The following LRMDA variants were observed in gnomAD, a reference collection of about 807,000 sequenced individuals.
The protein encoded by LRMDA is leucine-rich melanocyte differentiation-associated protein.
LRMDA carries 18 observed loss-of-function variants against 29.8 expected under a neutral mutation model. The ratio of observed to expected loss-of-function variants is 0.60; its 90% CI spans 0.42 to 0.90. The LOEUF (loss-of-function observed/expected upper bound fraction) is 0.90, where lower values mean the gene tolerates loss of function less well. LRMDA is among the 40% of genes least tolerant of loss of function. LRMDA has a pLI of 0.00. For synonymous variants in LRMDA, 125 were observed against 109.4 expected, an observed-to-expected ratio of 1.14 and a Z score of -0.89; for missense variants, 273 against 273.9, an observed-to-expected ratio of 1.00 and a Z score of 0.02.
At chr10:76,091,201 A>G (rs1849225206) in intron 5 of LRMDA, among the ~76,000 whole-genome samples, 1 of 152,016 alleles carries the variant, frequency 6.6e-6, no homozygotes, top group East Asian at 1.9e-4. Flanking sequence ...AAATGTCAGC[A>G]TCCCTCACTT....
intron 6 of LRMDA, among the ~76,000 whole-genome samples, chr10:76,474,874 AACAT>A: frequency 6.6e-6 from 1 of 151,746 alleles, no homozygotes; most frequent in Non-Finnish European, 1.5e-5. Flanking sequence ...GAGAGGCGAA[AACAT>A]ACATACACAA....
At position 76,192,588 on chromosome 10, in the gene LRMDA, G is replaced by A. The variant is rs149262017; in HGVS notation, c.517-131813G>A. ...AGAAAATGAAATGGTTAAAATAGGA[G>A]GGGTATTGAAAATTGCTGTTTCTTG... On this transcript the variant is annotated intron_variant, in intron 5 of 6. Coordinates refer to ENST00000611255, the MANE Select transcript of LRMDA (RefSeq NM_001305581.2). Among the ~76,000 whole-genome samples, 661 of 152,274 alleles carry A rather than the reference G, an allele frequency of 4.3e-3. 7 individuals are homozygous for A. The highest frequency in any genetic ancestry group is 0.015 in the African/African-American group (623 of 41,544).
At chr10:76,399,034 A>AAAT (rs1442415676) in intron 6 of LRMDA, among the ~76,000 whole-genome samples, 1 of 152,200 alleles carries the variant, frequency 6.6e-6, no homozygotes, top group African/African-American at 2.4e-5. Flanking sequence ...TCCAGGTCTA[A>AAAT]AATTTTGTAT....
At chr10:75,695,396 T>G (rs943482687) in intron 2 of LRMDA, among the ~76,000 whole-genome samples, 3 of 148,412 alleles carry the variant, frequency 2.0e-5, no homozygotes, top group Non-Finnish European at 3.0e-5. Context: ...AAAAAACTAG[T>G]TTTTTTTTTG....
intron 5 of LRMDA, among the ~76,000 whole-genome samples, chr10:76,092,495 A>G (rs1042549820): frequency 2.8e-4 from 43 of 152,170 alleles, no homozygotes; most frequent in East Asian, 3.8e-4. Flanking sequence ...GTCATTCCCA[A>G]ATTGTGTGCT....
intron 2 of LRMDA, among the ~76,000 whole-genome samples, chr10:75,846,703 G>T (rs1423950847): frequency 6.6e-6 from 1 of 151,876 alleles, no homozygotes; most frequent in Non-Finnish European, 1.5e-5. Context: ...AAATAATACC[G>T]AAATGATACC....
intron 6 of LRMDA, among the ~76,000 whole-genome samples, chr10:76,360,116 G>A (rs569201869): frequency 6.6e-5 from 10 of 152,168 alleles, no homozygotes; most frequent in South Asian, 6.2e-4. Context: ...AGCCTCCTGA[G>A]TAGCTGGGAT....
intron 6 of LRMDA, among the ~76,000 whole-genome samples, chr10:76,490,899 G>A (rs893589373): frequency 2.0e-5 from 3 of 151,618 alleles, no homozygotes; most frequent in Non-Finnish European, 2.9e-5. Flanking sequence ...TTCTCTTGTG[G>A]TATGATTTAA....
At chr10:76,491,564 T>C (rs1435905704) in intron 6 of LRMDA, among the ~76,000 whole-genome samples, 1 of 152,020 alleles carries the variant, frequency 6.6e-6, no homozygotes, top group African/African-American at 2.4e-5. Context: ...TGCAGATCCA[T>C]GGTGTGTTAT....
intron 2 of LRMDA, among the ~76,000 whole-genome samples, chr10:75,778,527 C>T (rs1426466050): frequency 6.6e-6 from 1 of 152,184 alleles, no homozygotes; most frequent in Non-Finnish European, 1.5e-5. Context: ...TTTTCATTCT[C>T]TGCTTTCTCT....
chr10:75,715,221 A>C (rs1183514189), intron 2 of LRMDA, among the ~76,000 whole-genome samples: 2 of 152,190 alleles, frequency 1.3e-5, no homozygotes, highest in African/African-American at 2.4e-5. Context: ...CATCCCTCCA[A>C]ATCTCTTGGA....
intron 6 of LRMDA, among the ~76,000 whole-genome samples, chr10:76,371,050 G>T (rs1841448329): frequency 6.6e-6 from 1 of 152,156 alleles, no homozygotes; most frequent in South Asian, 2.1e-4. Context: ...GAATCAACTG[G>T]TCGCACATTC....
chr10:75,684,933 C>A (rs1842064556), intron 2 of LRMDA, among the ~76,000 whole-genome samples: 1 of 152,194 alleles, frequency 6.6e-6, no homozygotes, highest in South Asian at 2.1e-4. Flanking sequence ...CATTACTCTG[C>A]AAGTGTGGCC....
At chr10:75,796,949 G>C (rs1843663203) in intron 2 of LRMDA, among the ~76,000 whole-genome samples, 1 of 152,112 alleles carries the variant, frequency 6.6e-6, no homozygotes, top group Non-Finnish European at 1.5e-5. Context: ...TAATATTTTT[G>C]TAAGATTTAG....
At chr10:76,257,571 T>C (rs1315825459) in intron 5 of LRMDA, among the ~76,000 whole-genome samples, 1 of 152,104 alleles carries the variant, frequency 6.6e-6, no homozygotes, top group Admixed American at 6.5e-5. Context: ...TGACCTCAGG[T>C]GATCCACCTA....
chr10:75,831,147 G>A (rs983846147), intron 2 of LRMDA, among the ~76,000 whole-genome samples: 3 of 151,806 alleles, frequency 2.0e-5, no homozygotes, highest in Non-Finnish European at 2.9e-5. Context: ...CTGGGTTCAC[G>A]CCATTCTTCT....
intron 6 of LRMDA, among the ~76,000 whole-genome samples, chr10:76,480,785 T>C (rs1394722178): frequency 6.6e-6 from 1 of 151,974 alleles, no homozygotes; most frequent in East Asian, 1.9e-4. Context: ...TAACTCAACA[T>C]AGAGGTGTCC....
chr10:76,037,702 C>T (rs1848275181), intron 3 of LRMDA, among the ~76,000 whole-genome samples: 2 of 152,270 alleles, frequency 1.3e-5, no homozygotes, highest in South Asian at 4.2e-4. Flanking sequence ...CAAGCTTTTT[C>T]AAGTCTCTCC....
chr10:76,463,567 A>T (rs145167298), intron 6 of LRMDA, among the ~76,000 whole-genome samples: 1 of 152,228 alleles, frequency 6.6e-6, no homozygotes, highest in African/African-American at 2.4e-5. Flanking sequence ...TTTCACTGCA[A>T]GTTTTAGAGT....
Sources: allele counts gnomAD v4.1 joint callset (sites outside exome capture counted in the v4.1 genomes callset), GRCh38; gene constraint gnomAD v4.1.1; transcripts MANE v1.5; gene names NCBI Gene and HGNC (gene_info 2026-07-23, HGNC 2026-07-21).